Variants in ATRNL1 observed in about 807,000 individuals in gnomAD.
ATRNL1 encodes the protein attractin-like protein 1.
In ATRNL1, 95 loss-of-function variants were observed where a neutral mutation model predicts 182.7. The observed-to-expected ratio is 0.52, with a 90% confidence interval of 0.44 to 0.62. The LOEUF is 0.62. ATRNL1 is among the 20% of genes least tolerant of loss of function. The probability of loss-of-function intolerance (pLI) is 0.00; values close to 1 mark genes in which losing one functional copy is unlikely to be tolerated. For missense variants in ATRNL1, 1,471 were observed against 1,679.5 expected (o/e 0.88, Z 2.17); for synonymous variants, 576 against 568.3 (o/e 1.01, Z -0.19).
intron 1 of ATRNL1, among the ~76,000 whole-genome samples, chr10:115,105,787 G>A (rs1286166351): frequency 6.6e-6 from 1 of 152,220 alleles, no homozygotes; most frequent in Admixed American, 6.5e-5. Flanking sequence ...CAAGAATCGA[G>A]GTTTGGGAAC....
chr10:115,539,774 A>C (rs1554991410), intron 25 of ATRNL1, among the ~76,000 whole-genome samples: 1 of 152,110 alleles, frequency 6.6e-6, no homozygotes, highest in East Asian at 1.9e-4. Flanking sequence ...AGGGAAGGGA[A>C]TATTCCTCTA....
At chr10:115,242,693 A>G (rs1850473697) in intron 10 of ATRNL1, among the ~76,000 whole-genome samples, 1 of 152,040 alleles carries the variant, frequency 6.6e-6, no homozygotes, top group African/African-American at 2.4e-5. Flanking sequence ...AACTCTGACT[A>G]TTAATAAGCA....
intron 1 of ATRNL1, among the ~76,000 whole-genome samples, chr10:115,112,490 A>C (rs1592114980): frequency 6.6e-6 from 1 of 152,338 alleles, no homozygotes; most frequent in South Asian, 2.1e-4. Context: ...AATGGGATCA[A>C]GTTTGAGGCA....
chr10:115,492,485 T>C (rs1233938965), intron 24 of ATRNL1, among the ~76,000 whole-genome samples: 2 of 151,270 alleles, frequency 1.3e-5, no homozygotes, highest in Admixed American at 1.3e-4. Flanking sequence ...TTTGGCTTTC[T>C]ATTAGTTTAC....
At chr10:115,412,278 T>G (rs1554960084) in intron 20 of ATRNL1, among the ~76,000 whole-genome samples, 1 of 151,978 alleles carries the variant, frequency 6.6e-6, no homozygotes, top group African/African-American at 2.4e-5. Flanking sequence ...GGAAATAAAT[T>G]TTGCCAAAAA....
At chr10:115,537,654 C>T (rs1456975603) in intron 25 of ATRNL1, among the ~76,000 whole-genome samples, 1 of 152,018 alleles carries the variant, frequency 6.6e-6, no homozygotes, top group Non-Finnish European at 1.5e-5. Flanking sequence ...TTAGAGGGGG[C>T]AGTGGTTAAT....
intron 17 of ATRNL1, among the ~76,000 whole-genome samples, chr10:115,315,272 A>G (rs1300489396): frequency 2.0e-5 from 3 of 152,016 alleles, no homozygotes; most frequent in African/African-American, 7.3e-5. Context: ...ATTTTTCTCC[A>G]TGTCATGGTT....
intron 27 of ATRNL1, among the ~76,000 whole-genome samples, chr10:115,838,301 G>C (rs1419825519): frequency 1.3e-5 from 2 of 152,186 alleles, no homozygotes; most frequent in African/African-American, 2.4e-5. Flanking sequence ...GATGGTTACA[G>C]ACTGTCAAGA....
At chr10:115,243,742 A>G (rs1850516949) in intron 10 of ATRNL1, among the ~76,000 whole-genome samples, 1 of 152,196 alleles carries the variant, frequency 6.6e-6, no homozygotes. Flanking sequence ...AGTTGTTCAG[A>G]CTGGAGGAAG....
chr10:115,245,893 T>C (rs1478071211), intron 10 of ATRNL1, among the ~76,000 whole-genome samples: 1 of 152,154 alleles, frequency 6.6e-6, no homozygotes, highest in East Asian at 1.9e-4. Context: ...ATCAGGAAAA[T>C]CCTTAGAATC....
chr10:115,741,362 G>C (rs576798060), intron 27 of ATRNL1, among the ~76,000 whole-genome samples: 3 of 152,238 alleles, frequency 2.0e-5, no homozygotes, highest in Admixed American at 1.3e-4. Context: ...AGACAGGTAA[G>C]AAGCATGCCA....
intron 24 of ATRNL1, among the ~76,000 whole-genome samples, chr10:115,516,200 C>G (rs1554983844): frequency 6.6e-6 from 1 of 151,736 alleles, no homozygotes; most frequent in Non-Finnish European, 1.5e-5. Context: ...TTATTTCTCC[C>G]TTGATCCTCA....
intron 26 of ATRNL1, among the ~76,000 whole-genome samples, chr10:115,602,417 T>G (rs1308329805): frequency 7.2e-6 from 1 of 137,974 alleles, no homozygotes; most frequent in African/African-American, 2.9e-5. Context: ...ACACTAAATG[T>G]TTGGGATTTT....
At chr10:115,257,035 A>G (rs1851173582) in intron 10 of ATRNL1, among the ~76,000 whole-genome samples, 3 of 152,192 alleles carry the variant, frequency 2.0e-5, no homozygotes, top group Admixed American at 2.0e-4. Flanking sequence ...TTTGCTGAGT[A>G]CTGCTTTATT....
intron 24 of ATRNL1, among the ~76,000 whole-genome samples, chr10:115,509,798 T>C (rs1031614200): frequency 6.6e-6 from 1 of 152,052 alleles, no homozygotes; most frequent in Non-Finnish European, 1.5e-5. Flanking sequence ...ACTATTTTTA[T>C]TAAAATACAT....
rs868981874 is a variant in ATRNL1 at position 115,888,480 on chromosome 10, T to G, written c.4018+40489T>G. Among the ~76,000 whole-genome samples, 31 of 152,284 alleles carry G rather than the reference T, an allele frequency of 2.0e-4. No homozygotes were observed. The Middle Eastern group carries it at 0.01, about 50-fold the overall frequency. ...CTCTGGCTCTCTTCATGAGTGGTTC[T>G]TCCAGATGGAATGCCCTTCTCCTCC... On this transcript the variant is annotated intron_variant, in intron 28 of 28. Transcript: ENST00000355044.
At chr10:115,531,142 C>G (rs1851556304) in intron 25 of ATRNL1, among the ~76,000 whole-genome samples, 1 of 149,782 alleles carries the variant, frequency 6.7e-6, no homozygotes, top group South Asian at 2.1e-4. Flanking sequence ...GGTATATACC[C>G]AGTAATGGGA....
intron 8 of ATRNL1, among the ~76,000 whole-genome samples, chr10:115,193,868 G>A (rs1554890444): frequency 2.0e-5 from 3 of 151,040 alleles, no homozygotes; most frequent in Admixed American, 1.3e-4. Context: ...TACTGCTTTT[G>A]CTGTATTCTT....
intron 27 of ATRNL1, among the ~76,000 whole-genome samples, chr10:115,798,030 G>A (rs1189829381): frequency 2.0e-5 from 3 of 152,084 alleles, no homozygotes; most frequent in African/African-American, 7.2e-5. Flanking sequence ...CCATTCTCCT[G>A]CCTCAGCCTC....
Sources: allele counts gnomAD v4.1 joint callset (sites outside exome capture counted in the v4.1 genomes callset), GRCh38; gene constraint gnomAD v4.1.1; transcripts MANE v1.5; gene names NCBI Gene and HGNC (gene_info 2026-07-23, HGNC 2026-07-21).